Variants in PPP3R1 observed in about 807,000 individuals in gnomAD.
PPP3R1 encodes the protein protein phosphatase 3 regulatory subunit B, alpha.
PPP3R1 carries 5 observed loss-of-function variants against 22.6 expected under a neutral mutation model. That is an observed-to-expected ratio of 0.22 (90% CI 0.12 to 0.46). PPP3R1 has a LOEUF of 0.46. Ranked by LOEUF, PPP3R1 falls within the 20% of genes least tolerant of loss-of-function variation. The probability of loss-of-function intolerance (pLI) is 0.99; values close to 1 mark genes in which losing one functional copy is unlikely to be tolerated. For synonymous variants in PPP3R1, 56 were observed against 65.2 expected (o/e 0.86, Z 0.68); for missense variants, 61 against 203.2 (o/e 0.30, Z 4.25).
At chr2:68,202,659 A>G (rs886987216) in intron 2 of PPP3R1, among the ~76,000 whole-genome samples, 1 of 151,834 alleles carries the variant, frequency 6.6e-6, no homozygotes, top group Non-Finnish European at 1.5e-5. Context: ...TCCCGACCTC[A>G]GGTGATCCAC....
At chr2:68,198,265 A>T (rs1049385318) in intron 2 of PPP3R1, among the ~76,000 whole-genome samples, 3 of 146,694 alleles carry the variant, frequency 2.0e-5, no homozygotes, top group Non-Finnish European at 4.5e-5. Flanking sequence ...ATGTATACAT[A>T]CATATGTGTA....
chr2:68,193,982 C>CA (rs1248879826), intron 2 of PPP3R1, among the ~76,000 whole-genome samples: 1 of 152,088 alleles, frequency 6.6e-6, no homozygotes, highest in East Asian at 1.9e-4. Flanking sequence ...CCTCTTGACT[C>CA]ATCTTGTGAC....
chr2:68,252,138 G>T lies in PPP3R1; in HGVS notation c.-11C>A. ...CCAAGGTCTCACCATTTTGCTCGGC[G>T]GGTCGGCGGCTCGCTGGCTCGCTGG... On this transcript the variant is annotated 5_prime_UTR_variant, in exon 1 of 6. Coordinates refer to ENST00000234310, the MANE Select transcript of PPP3R1 (RefSeq NM_000945.4). The T allele has an allele frequency of 7.0e-7, 1 of 1,437,660 alleles. No individual in the cohort carries two copies. The highest frequency in any genetic ancestry group is 9.3e-7 in the Non-Finnish European group (1 of 1,075,568). 89.1% of individuals were successfully genotyped at this position (1,437,660 alleles called of 1,614,324 possible).
chr2:68,210,773 T>C (rs1478494680), intron 2 of PPP3R1, among the ~76,000 whole-genome samples: 2 of 152,186 alleles, frequency 1.3e-5, no homozygotes, highest in African/African-American at 4.8e-5. Context: ...AACATACAGT[T>C]TGGCCATCCC....
Position 68,197,551 on chromosome 2 carries a change from G to A in PPP3R1, c.44-8861C>T, listed in dbSNP as rs921105358. Among the ~76,000 whole-genome samples, 4 of 152,084 alleles carry A rather than the reference G, an allele frequency of 2.6e-5. No individual in the cohort carries two copies. The South Asian group carries it at 8.3e-4, about 31-fold the overall frequency. On this transcript the variant is annotated intron_variant, in intron 2 of 5. Transcript: ENST00000234310. ...TTTCAGAAACTGTCAGTTTTCCAAA[G>A]TAATGTACCATTTTACTCTCCCATC...
intron 1 of PPP3R1, among the ~76,000 whole-genome samples, chr2:68,240,628 G>C (rs1558644193): frequency 6.6e-6 from 1 of 152,134 alleles, no homozygotes; most frequent in African/African-American, 2.4e-5. Flanking sequence ...AGTTAACTGA[G>C]GGACTTTTGA....
intron 2 of PPP3R1, among the ~76,000 whole-genome samples, chr2:68,206,650 C>T (rs1055235716): frequency 3.3e-5 from 5 of 152,144 alleles, no homozygotes; most frequent in African/African-American, 1.2e-4. Context: ...TCTTAATTTC[C>T]TTAACCAAAG....
intron 2 of PPP3R1, among the ~76,000 whole-genome samples, chr2:68,193,341 A>G (rs1674704386): frequency 6.6e-6 from 1 of 152,140 alleles, no homozygotes; most frequent in Admixed American, 6.6e-5. Context: ...GTATGGGGGC[A>G]GTTATCTTTT....
chr2:68,234,453 T>C (rs1478594192), intron 1 of PPP3R1, among the ~76,000 whole-genome samples: 2 of 152,126 alleles, frequency 1.3e-5, no homozygotes, highest in African/African-American at 4.8e-5. Context: ...CTTACCAACA[T>C]ATCATAAAGC....
chr2:68,190,255 TAAA>T (rs34117344), intron 2 of PPP3R1, among the ~76,000 whole-genome samples: 28 of 25,114 alleles, frequency 1.1e-3, no homozygotes, highest in African/African-American at 2.8e-3. Context: ...AAGTTTCTCT[TAAA>T]AAAAAAAAAA....
chr2:68,195,244 C>G (rs1230535887), intron 2 of PPP3R1, among the ~76,000 whole-genome samples: 1 of 152,072 alleles, frequency 6.6e-6, no homozygotes, highest in African/African-American at 2.4e-5. Context: ...TCTTTCATGA[C>G]CTTGAAACTT....
chr2:68,235,545 T>C (rs1395497387), intron 1 of PPP3R1, among the ~76,000 whole-genome samples: 2 of 152,168 alleles, frequency 1.3e-5, no homozygotes, highest in Non-Finnish European at 2.9e-5. Flanking sequence ...TCAACACACT[T>C]CTTTTTACTA....
chr2:68,245,805 G>A (rs1378558367), intron 1 of PPP3R1, among the ~76,000 whole-genome samples: 1 of 152,138 alleles, frequency 6.6e-6, no homozygotes, highest in Admixed American at 6.5e-5. Context: ...ACTCAAAACA[G>A]TTAAACCATT....
chr2:68,191,433 A>G (rs1013893340), intron 2 of PPP3R1, among the ~76,000 whole-genome samples: 1 of 152,244 alleles, frequency 6.6e-6, no homozygotes, highest in South Asian at 2.1e-4. Context: ...TAAATGGTAC[A>G]CCTGTATAGG....
intron 2 of PPP3R1, among the ~76,000 whole-genome samples, chr2:68,194,870 T>C (rs1168543241): frequency 1.3e-5 from 2 of 152,142 alleles, no homozygotes; most frequent in Non-Finnish European, 2.9e-5. Context: ...ATTCTTTTAA[T>C]AGCTACTTTA....
At chr2:68,181,554 G>T (rs929943469) in intron 5 of PPP3R1, among the ~76,000 whole-genome samples, 1 of 150,564 alleles carries the variant, frequency 6.6e-6, no homozygotes, top group African/African-American at 2.4e-5. Context: ...TTGTACAAGG[G>T]CCAGTCTTGC....
chr2:68,190,422 G>T (rs1259678782), intron 2 of PPP3R1, among the ~76,000 whole-genome samples: 1 of 151,970 alleles, frequency 6.6e-6, no homozygotes, highest in Non-Finnish European at 1.5e-5. Flanking sequence ...AAAATTAGCC[G>T]GGAGTGATGG....
chr2:68,220,307 T>C (rs935019775), intron 1 of PPP3R1, among the ~76,000 whole-genome samples: 4 of 152,260 alleles, frequency 2.6e-5, no homozygotes, highest in South Asian at 2.1e-4. Context: ...TGAGAGAACT[T>C]TGGAGATCTG....
intron 1 of PPP3R1, among the ~76,000 whole-genome samples, chr2:68,219,375 T>G (rs1669641812): frequency 6.6e-6 from 1 of 152,220 alleles, no homozygotes; most frequent in Non-Finnish European, 1.5e-5. Context: ...TCAGTCTTCC[T>G]CATGCTTAGT....
Sources: allele counts gnomAD v4.1 joint callset (sites outside exome capture counted in the v4.1 genomes callset), GRCh38; gene constraint gnomAD v4.1.1; transcripts MANE v1.5; gene names NCBI Gene and HGNC (gene_info 2026-07-23, HGNC 2026-07-21).